Variants in FIG4 observed in about 807,000 individuals in gnomAD.
FIG4 encodes FIG4 phosphoinositide 5-phosphatase.
In FIG4, 112 loss-of-function variants were observed where a neutral mutation model predicts 118.6. The ratio of observed to expected loss-of-function variants is 0.94; its 90% confidence interval spans 0.81 to 1.11. The LOEUF is 1.11. Among genes scored for constraint, FIG4 ranks in the 50% least tolerant of loss-of-function variants. The pLI, the probability that FIG4 is intolerant of heterozygous loss-of-function variation, is 0.00. For missense variants in FIG4, 969 were observed against 1,111.7 expected, an observed-to-expected ratio of 0.87 and a Z score of 1.83; for synonymous variants, 369 against 381.2, an observed-to-expected ratio of 0.97 and a Z score of 0.37.
intron 3 of FIG4, among the ~76,000 whole-genome samples, chr6:109,726,726 T>C (rs1319920512): frequency 6.6e-6 from 1 of 152,252 alleles, no homozygotes; most frequent in Non-Finnish European, 1.5e-5. Flanking sequence ...ATATTGATTC[T>C]TCTTATCCAT....
intron 16 of FIG4, among the ~76,000 whole-genome samples, chr6:109,781,212 TATTA>T (rs920635893): frequency 2.0e-5 from 3 of 152,360 alleles, no homozygotes; most frequent in Non-Finnish European, 2.9e-5. Context: ...TAATCTTACC[TATTA>T]ATCCTAGTTA....
At chr6:109,806,483 G>T (rs1038712948) in intron 22 of FIG4, among the ~76,000 whole-genome samples, 3 of 150,694 alleles carry the variant, frequency 2.0e-5, no homozygotes, top group African/African-American at 7.3e-5. Context: ...GCACACACGA[G>T]TGTGTGTGTG....
At chr6:109,772,624 T>G (rs1042208344) in intron 15 of FIG4, among the ~76,000 whole-genome samples, 4 of 152,066 alleles carry the variant, frequency 2.6e-5, no homozygotes, top group Non-Finnish European at 2.9e-5. Context: ...CTGGCTGATT[T>G]TTATTTTTAG....
chr6:109,776,791 G>C, intron 15 of FIG4, 131 bp from the exon 16 acceptor site: 1 of 725,798 alleles, frequency 1.4e-6, no homozygotes, highest in Non-Finnish European at 2.4e-6. Context: ...GTGTGTGTAT[G>C]AAGTATTTGT....
chr6:109,796,477 C>T (rs1489811265), intron 21 of FIG4, among the ~76,000 whole-genome samples: 1 of 152,214 alleles, frequency 6.6e-6, no homozygotes, highest in East Asian at 1.9e-4. Context: ...CATTTCTGTT[C>T]AAGTTCTGCA....
chr6:109,757,897 T>C (rs1255084323), intron 10 of FIG4, among the ~76,000 whole-genome samples: 1 of 151,948 alleles, frequency 6.6e-6, no homozygotes, highest in Admixed American at 6.6e-5. Flanking sequence ...AAAATACAAC[T>C]TAAAAGGGAT....
chr6:109,700,019 A>G (rs971943099), intron 1 of FIG4, among the ~76,000 whole-genome samples: 5 of 152,160 alleles, frequency 3.3e-5, no homozygotes, highest in Admixed American at 1.3e-4. Flanking sequence ...TAAGTGCACT[A>G]TCCCCATTCA....
At chr6:109,713,908 G>A (rs755015248) in intron 1 of FIG4, among the ~76,000 whole-genome samples, 1 of 152,136 alleles carries the variant, frequency 6.6e-6, no homozygotes, top group African/African-American at 2.4e-5. Flanking sequence ...AGACCAAGGG[G>A]TGCTCAGGTT....
In FIG4 at chr6:109,744,571, G is replaced by C. The variant is rs566275557; in HGVS notation, c.1137+799G>C. ...TCTGAGAGGTTGGTTAATAAATGTA[G>C]ATGAGTTTACTGAAAAACCAAGGAA... On this transcript the variant is annotated intron_variant, in intron 10 of 22. Transcript: ENST00000230124. Among the ~76,000 whole-genome samples, 6 of 152,082 alleles carry C rather than the reference G, an allele frequency of 3.9e-5. No homozygotes were observed. The South Asian group carries it at 1.3e-3, about 32-fold the overall frequency.
At chr6:109,750,405 G>A (rs1334534901) in intron 10 of FIG4, among the ~76,000 whole-genome samples, 2 of 152,174 alleles carry the variant, frequency 1.3e-5, no homozygotes, top group Non-Finnish European at 1.5e-5. Context: ...GGAAACAGGC[G>A]GGAGGCTTGC....
At chr6:109,771,528 G>A (rs1176686460) in intron 15 of FIG4, among the ~76,000 whole-genome samples, 1 of 137,362 alleles carries the variant, frequency 7.3e-6, no homozygotes, top group Non-Finnish European at 1.5e-5. Flanking sequence ...GAGTGCAGTG[G>A]CACTATCTCG....
chr6:109,717,838 C>T (rs1775480872), intron 3 of FIG4, among the ~76,000 whole-genome samples: 1 of 152,238 alleles, frequency 6.6e-6, no homozygotes, highest in Non-Finnish European at 1.5e-5. Context: ...ATTTTAGCAT[C>T]TCTGCTGCCA....
Position 109,728,528 on chromosome 6 carries a change from G to T in FIG4, c.446+1263G>T, listed in dbSNP as rs1168902452. 3.9e-5 allele frequency among the ~76,000 whole-genome samples: 6 copies of T among 152,162 alleles called. No homozygotes were observed. In the South Asian group the frequency reaches 1.2e-3, roughly 32 times the overall value. On this transcript the variant is annotated intron_variant, in intron 4 of 22. Coordinates refer to ENST00000230124, the MANE Select transcript of FIG4 (RefSeq NM_014845.6). ...GATTTTAATTATATCCTGTACTTTT[G>T]TAGTGTTCCAATACATGAACCAAAA...
At chr6:109,808,827 G>A (rs946933952) in intron 22 of FIG4, among the ~76,000 whole-genome samples, 2 of 151,960 alleles carry the variant, frequency 1.3e-5, no homozygotes, top group Admixed American at 6.6e-5. Context: ...ATCTACCACC[G>A]TGAACAATAC....
At chr6:109,778,895 G>A (rs1013507984) in intron 16 of FIG4, among the ~76,000 whole-genome samples, 11 of 152,094 alleles carry the variant, frequency 7.2e-5, no homozygotes, top group South Asian at 2.1e-4. Flanking sequence ...CACCGCGCCC[G>A]GCTTCTTGCA....
intron 1 of FIG4, among the ~76,000 whole-genome samples, chr6:109,696,744 GA>G (rs1774734523): frequency 6.6e-6 from 1 of 152,186 alleles, no homozygotes; most frequent in African/African-American, 2.4e-5. Context: ...GGAAGGGTAG[GA>G]AAGAGGGAAT....
At chr6:109,753,612 A>C (rs1289485056) in intron 10 of FIG4, among the ~76,000 whole-genome samples, 2 of 152,094 alleles carry the variant, frequency 1.3e-5, no homozygotes, top group East Asian at 3.9e-4. Flanking sequence ...ATCCTCTTTA[A>C]TTCCGTTAAG....
In FIG4 at chr6:109,825,274, C is replaced by T; in HGVS notation, c.*9C>T. On this transcript the variant is annotated 3_prime_UTR_variant, in exon 23 of 23. Transcript: ENST00000230124. Reference sequence around the variant, plus strand: ...GGAACCGCTACCTGTGAAAAGAGCGCAGGTCCACCTGGTGGACACGTCTGA... The same window carrying T: ...GGAACCGCTACCTGTGAAAAGAGCGTAGGTCCACCTGGTGGACACGTCTGA... 1.2e-6 allele frequency: 2 copies of T among 1,613,306 alleles called. No individual in the cohort carries two copies. Among genetic ancestry groups the T allele is most frequent in the South Asian group, 2.2e-5 (2 of 91,054 alleles).
intron 22 of FIG4, among the ~76,000 whole-genome samples, chr6:109,823,192 A>G (rs1482307356): frequency 6.6e-6 from 1 of 152,122 alleles, no homozygotes; most frequent in South Asian, 2.1e-4. Context: ...TGGCTCCCTG[A>G]CAGGTTGAAG....
Sources: allele counts gnomAD v4.1 joint callset (sites outside exome capture counted in the v4.1 genomes callset), GRCh38; gene constraint gnomAD v4.1.1; transcripts MANE v1.5; gene names NCBI Gene and HGNC (gene_info 2026-07-23, HGNC 2026-07-21).